Variants in TMIGD3 observed in about 807,000 individuals in gnomAD.
The protein encoded by TMIGD3 is transmembrane and immunoglobulin domain containing 3.
Under a neutral mutation model 28.1 loss-of-function variants are expected in TMIGD3, and 21 were observed. The ratio of observed to expected loss-of-function variants is 0.75; its 90% CI spans 0.53 to 1.08. The LOEUF (loss-of-function observed/expected upper bound fraction) is 1.08. Among genes scored for constraint, TMIGD3 ranks in the 50% least tolerant of loss-of-function variants. The probability of loss-of-function intolerance (pLI) is 0.00; values close to 1 mark genes in which losing one functional copy is unlikely to be tolerated. For synonymous variants in TMIGD3, 151 were observed against 162.1 expected (o/e 0.93, Z 0.52); for missense variants, 416 against 435.6 (o/e 0.96, Z 0.40).
At chr1:111,493,387 C>T (rs911769927) in intron 1 of TMIGD3, among the ~76,000 whole-genome samples, 5 of 152,140 alleles carry the variant, frequency 3.3e-5, no homozygotes, top group Non-Finnish European at 5.9e-5. Context: ...CACCTCCCCC[C>T]ACCCTGCTTC....
chr1:111,560,184 A>G (rs763816075), intron 1 of TMIGD3, among the ~76,000 whole-genome samples: 9 of 152,212 alleles, frequency 5.9e-5, no homozygotes, highest in Non-Finnish European at 1.3e-4. Context: ...AACACATGAG[A>G]TCACAAGAGA....
chr1:111,504,632 A>G (rs906041599), upstream of TMIGD3, among the ~76,000 whole-genome samples: 3 of 152,194 alleles, frequency 2.0e-5, no homozygotes, highest in African/African-American at 7.2e-5. Context: ...GGGCTTTATC[A>G]TTTTTACCTT....
chr1:111,515,812 G>C (rs1039723771), intron 1 of TMIGD3, among the ~76,000 whole-genome samples: 2 of 152,226 alleles, frequency 1.3e-5, no homozygotes, highest in Non-Finnish European at 2.9e-5. Context: ...GAGGATGCTG[G>C]TGCTGCGCCG....
chr1:111,483,529 C>T lies in TMIGD3; in HGVS notation c.*158G>A. 2.9e-6 allele frequency: 2 copies of T among 686,546 alleles called. No homozygotes were observed. The highest frequency in any genetic ancestry group is 1.6e-5 in the South Asian group (1 of 63,636). The allele number at this position is 686,546 out of a possible 1,614,324, so 42.5% of individuals were successfully genotyped here. On this transcript the variant is annotated 3_prime_UTR_variant, in exon 6 of 6. Coordinates refer to ENST00000369716, the MANE Select transcript of TMIGD3 (RefSeq NM_020683.7). ...TGGTCTATCATAGCTCCTCTGACTA[C>T]CGCCGTTGCTACCTGGCTGCAAATG...
intron 1 of TMIGD3, among the ~76,000 whole-genome samples, chr1:111,552,460 T>C (rs1228642479): frequency 6.6e-6 from 1 of 152,206 alleles, no homozygotes; most frequent in Non-Finnish European, 1.5e-5. Flanking sequence ...AAAAAGTAGA[T>C]TCTGATCATT....
chr1:111,551,293 G>C (rs1287917837), intron 1 of TMIGD3, among the ~76,000 whole-genome samples: 1 of 152,022 alleles, frequency 6.6e-6, no homozygotes, highest in Non-Finnish European at 1.5e-5. Flanking sequence ...TTATGTATAT[G>C]TCTTATATCT....
chr1:111,536,933 C>T (rs927228224), intron 1 of TMIGD3, among the ~76,000 whole-genome samples: 2 of 152,164 alleles, frequency 1.3e-5, no homozygotes, highest in African/African-American at 2.4e-5. Context: ...TTATGTCTGG[C>T]CAATCTTCCT....
intron 1 of TMIGD3, among the ~76,000 whole-genome samples, chr1:111,514,645 C>CACACAG: frequency 6.7e-6 from 1 of 149,902 alleles, no homozygotes; most frequent in South Asian, 2.1e-4. Context: ...AGTATGGGAA[C>CACACAG]ACACACACAC....
intron 1 of TMIGD3, among the ~76,000 whole-genome samples, chr1:111,521,489 T>A (rs6693392): frequency 1.1e-3 from 164 of 152,314 alleles, no homozygotes; most frequent in African/African-American, 3.8e-3. Flanking sequence ...TACATAATGG[T>A]ATCTCATTTT....
rs571517687 is a variant in TMIGD3 at position 111,486,761 on chromosome 1, T to C, written c.806-109A>G. On this transcript the variant is annotated intron_variant, in intron 3 of 5. Coordinates refer to ENST00000369716, the MANE Select transcript of TMIGD3 (RefSeq NM_020683.7). ...TTCTATGTCCAGAGAGTGAGTCCCC[T>C]GGTTGACTCCAGAGTAAAGCAGAGG... 427 of 917,684 alleles carry C rather than the reference T, an allele frequency of 4.7e-4. 1 individual carries two copies. In the African/African-American group the frequency reaches 6.2e-3, roughly 13 times the overall value. The allele number at this position is 917,684 out of a possible 1,614,324, so 56.8% of individuals were successfully genotyped here.
At position 111,562,634 on chromosome 1, in the gene TMIGD3, T is replaced by C. The variant is rs559111933; in HGVS notation, c.107+1212A>G. 5.3e-5 allele frequency among the ~76,000 whole-genome samples: 8 copies of C among 152,296 alleles called. No individual in the cohort carries two copies. In the East Asian group the frequency reaches 1.5e-3, roughly 29 times the overall value. On this transcript the variant is annotated intron_variant, in intron 1 of 5. Transcript: ENST00000369717. Reference sequence around the variant, plus strand: ...ATTTCAGGACTAAAATTGCCAATATTCCCTCCCTCTACCTAAACCCACTGC... The same window carrying C: ...ATTTCAGGACTAAAATTGCCAATATCCCCTCCCTCTACCTAAACCCACTGC...
intron 1 of TMIGD3, among the ~76,000 whole-genome samples, chr1:111,517,033 C>T (rs946143081): frequency 1.3e-5 from 2 of 152,282 alleles, no homozygotes; most frequent in East Asian, 3.9e-4. Context: ...CTATTATGGC[C>T]CCATCCCACA....
At chr1:111,549,673 A>ATC (rs900329502) in intron 1 of TMIGD3, among the ~76,000 whole-genome samples, 16 of 150,328 alleles carry the variant, frequency 1.1e-4, no homozygotes, top group African/African-American at 3.2e-4. Flanking sequence ...AAAAGACAAG[A>ATC]TCTCTCTCTC....
At chr1:111,509,150 T>G (rs917478021) in intron 1 of TMIGD3, among the ~76,000 whole-genome samples, 10 of 152,196 alleles carry the variant, frequency 6.6e-5, no homozygotes, top group African/African-American at 2.2e-4. Flanking sequence ...CCTGGTCTCC[T>G]CGCTTAAGAT....
At chr1:111,534,741 A>AGT (rs1656584206) in intron 1 of TMIGD3, among the ~76,000 whole-genome samples, 1 of 151,770 alleles carries the variant, frequency 6.6e-6, no homozygotes, top group South Asian at 2.1e-4. Context: ...TTTGTGTGTG[A>AGT]GTGTGTGTGT....
intron 1 of TMIGD3, among the ~76,000 whole-genome samples, chr1:111,511,234 C>T (rs184559066): frequency 6.6e-6 from 1 of 152,298 alleles, no homozygotes; most frequent in Admixed American, 6.5e-5. Flanking sequence ...AGCTGGTAAA[C>T]TCCTTAAATG....
chr1:111,491,964 G>C (rs1654688044), intron 1 of TMIGD3, among the ~76,000 whole-genome samples: 1 of 152,158 alleles, frequency 6.6e-6, no homozygotes, highest in African/African-American at 2.4e-5. Flanking sequence ...ATCAGGACTG[G>C]CCTGTGTGAT....
At chr1:111,529,981 G>A (rs1300074406) in intron 1 of TMIGD3, among the ~76,000 whole-genome samples, 17 of 104,296 alleles carry the variant, frequency 1.6e-4, no homozygotes, top group South Asian at 6.1e-4. Flanking sequence ...CGGATGGGGC[G>A]GCTGGCCGGG....
intron 1 of TMIGD3, among the ~76,000 whole-genome samples, chr1:111,519,789 T>C (rs1655994923): frequency 2.6e-5 from 4 of 151,924 alleles, no homozygotes. Context: ...ACCTCCCAGG[T>C]TGAAGTGATT....
Sources: gnomAD v4.1 joint callset for allele counts (sites outside exome capture counted in the v4.1 genomes callset) on GRCh38, gnomAD v4.1.1 for gene constraint, MANE v1.5 for transcripts, NCBI Gene and HGNC (gene_info 2026-07-23, HGNC 2026-07-21) for gene names.